SCAF1: variants seen among roughly 807,000 people sequenced by gnomAD.
The protein encoded by SCAF1 is SR-related CTD associated factor 1.
SCAF1 carries 28 observed loss-of-function variants against 91.2 expected under a neutral mutation model. The observed-to-expected ratio is 0.31, with a 90% CI of 0.23 to 0.42. SCAF1 has a LOEUF of 0.42. Ranked by LOEUF, SCAF1 falls within the 10% of genes least tolerant of loss-of-function variation. The probability of loss-of-function intolerance (pLI) is 1.00; values close to 1 mark genes in which losing one functional copy is unlikely to be tolerated. For synonymous variants in SCAF1, 1,036 were observed against 833.7 expected (o/e 1.24, Z -4.18); for missense variants, 1,893 against 1,872.1 (o/e 1.01, Z -0.21).
In SCAF1 at chr19:49,652,133, T is replaced by G. The variant is rs2081098773; in HGVS notation, c.1744T>G (p.Ser582Ala). 2 of 1,057,634 alleles carry G rather than the reference T, an allele frequency of 1.9e-6. No individual in the cohort carries two copies. The highest frequency in any genetic ancestry group is 2.3e-6 in the Non-Finnish European group (2 of 878,954). The allele number at this position is 1,057,634 out of a possible 1,614,324, so 65.5% of individuals were successfully genotyped here. A position where few individuals can be genotyped will look rare whatever the true frequency, so the allele number is the denominator to read the frequency against. ...RRSRSRSRSRSTRRRSRSTDR... is the reference protein window; with the variant it reads ...RRSRSRSRSRATRRRSRSTDR... ...CTCCCGCTCCCGCTCCCGCTCCCGC[T>G]CCACCCGCCGCCGCTCGCGCAGCAC... Residue 582 changes from serine (S) to alanine (A), a missense_variant, in exon 7 of 11, where the codon TCC (serine) becomes GCC (alanine). Physicochemically the swap from Ser to Ala is moderately conservative, Grantham distance 99 (BLOSUM62 1). This residue lies in a region of SCAF1 where 1,436 missense variants were observed against 1,306.8 expected (regional missense o/e 1.10). Coordinates refer to ENST00000360565, the MANE Select transcript of SCAF1 (RefSeq NM_021228.3).
At chr19:49,657,217 CAGGGAGTGGCAGA>C (rs1386647512) in intron 9 of SCAF1, among the ~76,000 whole-genome samples, 3 of 152,186 alleles carry the variant, frequency 2.0e-5, no homozygotes, top group Non-Finnish European at 4.4e-5. Flanking sequence ...GGGTCAGAGA[CAGGGAGTGGCAGA>C]CCAGGCTTCT....
In SCAF1 at chr19:49,649,126, AGTT is replaced by A. The variant is rs1186981006; in HGVS notation, c.479-1738_479-1736del. ...AAGGGTGTATCCGGAAGCTAATAGT[AGTT>A]GTTTTCAGGGGGACTCTGAGGTTAT... On this transcript the variant is annotated intron_variant, in intron 6 of 10. Coordinates refer to ENST00000360565, the MANE Select transcript of SCAF1 (RefSeq NM_021228.3). Among the ~76,000 whole-genome samples, 4 of 152,306 alleles carry A rather than the reference AGTT, an allele frequency of 2.6e-5. 1 individual carries two copies. Among genetic ancestry groups the A allele is most frequent in the African/African-American group, 9.6e-5 (4 of 41,554 alleles).
chr19:49,651,999 C>T lies in SCAF1; in HGVS notation c.1610C>T (p.Ser537Leu), dbSNP rs1470332758. Reference sequence around the variant, plus strand: ...GCCAAGGAGGCCGCCTCGTCCTCGTCGGGCACCCAGCCAGCGCCGCCCGCC... The same window carrying T: ...GCCAAGGAGGCCGCCTCGTCCTCGTTGGGCACCCAGCCAGCGCCGCCCGCC... ...GEAKEAASSS[S>L]GTQPAPPAPA... The change falls in exon 7 of 11, where the codon TCG (serine) becomes TTG (leucine). Residue 537 changes from serine to leucine, a missense_variant. Ser to Leu is a moderately radical substitution (Grantham distance 145). Coordinates refer to ENST00000360565, the MANE Select transcript of SCAF1 (RefSeq NM_021228.3). The T allele has an allele frequency of 2.5e-6, 3 of 1,197,458 alleles. No homozygotes were observed. The highest frequency in any genetic ancestry group is 5.5e-5 in the East Asian group (1 of 18,294). The allele number at this position is 1,197,458 out of a possible 1,614,324, so 74.2% of individuals were successfully genotyped here.
chr19:49,650,729 A>G (rs2081080082), intron 6 of SCAF1, 139 bp from the exon 7 acceptor site: 2 of 625,594 alleles, frequency 3.2e-6, no homozygotes, highest in East Asian at 2.9e-5. Context: ...GGAGCATCCT[A>G]CGGCTGGCTC....
chr19:49,651,820 G>T lies in SCAF1; in HGVS notation c.1431G>T (p.Trp477Cys), dbSNP rs972168088. Residue 477 changes from tryptophan to cysteine, a missense_variant, in exon 7 of 11, where the codon TGG becomes TGT. By Grantham distance (215) the Trp-to-Cys change is radical (BLOSUM62 -2). Around this residue, in one of 5 missense-constraint regions of SCAF1, gnomAD observed 1,436 missense variants for 1,306.8 expected, o/e 1.10. Transcript: ENST00000360565. ...APAPPAADSR[W>C]GGLDLRRKIL... ...CGCCGCCCGCCGCCGACTCGCGCTG[G>T]GGCGGCCTGGACCTGCGCCGCAAGA... 8.8e-6 allele frequency: 11 copies of T among 1,255,066 alleles called. No individual in the cohort carries two copies. In the Admixed American group the frequency reaches 4.1e-4, roughly 47 times the overall value. 77.7% of individuals were successfully genotyped at this position (1,255,066 alleles called of 1,614,324 possible).
At chr19:49,647,148 A>G (rs1568441080) in intron 6 of SCAF1, among the ~76,000 whole-genome samples, 1 of 152,248 alleles carries the variant, frequency 6.6e-6, no homozygotes, top group South Asian at 2.1e-4. Flanking sequence ...AGACAGCCTG[A>G]AAAAGGGCAG....
At chr19:49,654,219 T>G (rs1489385331) in intron 7 of SCAF1, 130 bp from the exon 8 acceptor site, 5 of 743,126 alleles carry the variant, frequency 6.7e-6, no homozygotes, top group Non-Finnish European at 9.0e-6. Context: ...TTCCCAGTTC[T>G]GAGCGTGAGG....
rs757324162 is a variant in SCAF1 at position 49,654,477 on chromosome 19, A to G, written c.3399+46A>G. 6 of 1,575,584 alleles carry G rather than the reference A, an allele frequency of 3.8e-6. No homozygotes were observed. The South Asian group carries it at 5.6e-5, about 15-fold the overall frequency. ...GTCCCTGCCGCCCCTTCTTTTGTCC[A>G]TTGCCTCGGGTTAGGAGAGGAACCG... On this transcript the variant is annotated intron_variant, in intron 8 of 10. Coordinates refer to ENST00000360565, the MANE Select transcript of SCAF1 (RefSeq NM_021228.3).
In SCAF1 at chr19:49,645,524, TG is replaced by T. The variant is rs1249241867; in HGVS notation, c.166+117del. ...CCTGGGTGCCACCCTTGTGCTGGCA[TG>T]GGGAGCCAAAAATGGGCAGACACCC... is the stretch of plus-strand genomic sequence containing the variant. On this transcript the variant is annotated intron_variant, in intron 3 of 10. Coordinates refer to ENST00000360565, the MANE Select transcript of SCAF1 (RefSeq NM_021228.3). This position sits in a 1 kb window ranked among gnomAD's most constrained non-coding sequence, Gnocchi z 4.6. 7.8e-6 allele frequency: 9 copies of T among 1,153,108 alleles called. No individual in the cohort carries two copies. The Admixed American group carries it at 1.7e-4, about 22-fold the overall frequency. 71.4% of individuals were successfully genotyped at this position (1,153,108 alleles called of 1,614,324 possible).
In SCAF1 at chr19:49,654,769, G is replaced by A; in HGVS notation, c.3517G>A (p.Gly1173Arg). The change falls in exon 9 of 11, where the codon GGG (glycine) becomes AGG (arginine). Residue 1173 changes from glycine (G) to arginine (R), a missense_variant. Physicochemically the swap from Gly to Arg is moderately radical, Grantham distance 125 (BLOSUM62 -2). Coordinates refer to ENST00000360565, the MANE Select transcript of SCAF1 (RefSeq NM_021228.3). ...CCTGCTTCCTGGCAGCCTCCCTCTGGGGGGCTGCGGTTCGACCCCCCCCAC... is the reference window on the plus strand; with the variant it reads ...CCTGCTTCCTGGCAGCCTCCCTCTGAGGGGCTGCGGTTCGACCCCCCCCAC... The part of the protein sequence containing the change: ...SYLLPGSLPL[G>R]GCGSTPPTPT... The A allele has an allele frequency of 6.2e-7, 1 of 1,613,610 alleles. No individual in the cohort carries two copies.
chr19:49,657,778 C>A lies in SCAF1; in HGVS notation c.3636C>A (p.His1212Gln). The A allele has an allele frequency of 4.4e-6, 7 of 1,603,018 alleles. No homozygotes were observed. The highest frequency in any genetic ancestry group is 6.0e-6 in the Non-Finnish European group (7 of 1,174,546). The change falls in exon 10 of 11, where the codon CAC becomes CAA. Residue 1212 changes from histidine to glutamine, a missense_variant. Physicochemically the swap from His to Gln is conservative, Grantham distance 24 (BLOSUM62 0). Coordinates refer to ENST00000360565, the MANE Select transcript of SCAF1 (RefSeq NM_021228.3). Reference protein sequence around the residue: ...GDTDKYLKKLHTQERAVEEVK... With the variant: ...GDTDKYLKKLQTQERAVEEVK... ...CCCACCAGTATCTGAAGAAGCTGCACACGCAGGAGCGGGCGGTGGAGGAGG... is the reference window on the plus strand; with the variant it reads ...CCCACCAGTATCTGAAGAAGCTGCAAACGCAGGAGCGGGCGGTGGAGGAGG...
Position 49,653,423 on chromosome 19 carries a change from A to G in SCAF1, c.3034A>G (p.Thr1012Ala). 7 of 1,550,640 alleles carry G rather than the reference A, an allele frequency of 4.5e-6. No homozygotes were observed. The highest frequency in any genetic ancestry group is 1.4e-5 in the African/African-American group (1 of 73,648). Reference sequence around the variant, plus strand: ...GGTCTCCTTCCTGCCCGAGGAGGCCACTGAGGAGGCTGGGGTCCGAGGTGG... The same window carrying G: ...GGTCTCCTTCCTGCCCGAGGAGGCCGCTGAGGAGGCTGGGGTCCGAGGTGG... ...PEVSFLPEEA[T>A]EEAGVRGGAE... Residue 1012 changes from threonine to alanine, a missense_variant, in exon 7 of 11, where the codon ACT (threonine) becomes GCT (alanine). Around this residue, in one of 5 missense-constraint regions of SCAF1, gnomAD observed 1,436 missense variants for 1,306.8 expected, o/e 1.10. Coordinates refer to ENST00000360565, the MANE Select transcript of SCAF1 (RefSeq NM_021228.3).
At position 49,646,861 on chromosome 19, in the gene SCAF1, T is replaced by C. The variant is rs2081058655; in HGVS notation, c.478+31T>C. ...TGGGGCCAGGGCGGAGCTGGGCAGG[T>C]GGTCGTGGAGTTGTGTGGGGATCGG... On this transcript the variant is annotated intron_variant, in intron 6 of 10. Transcript: ENST00000360565. This position sits in a 1 kb window ranked among gnomAD's most constrained non-coding sequence, Gnocchi z 5.6. 4 of 1,561,648 alleles carry C rather than the reference T, an allele frequency of 2.6e-6. No homozygotes were observed. Among genetic ancestry groups the C allele is most frequent in the African/African-American group, 1.4e-5 (1 of 73,552 alleles).
rs1409791145 is a variant in SCAF1, at chr19:49,652,942, C to T, written c.2553C>T (p.Ala851=). Residue 851 remains alanine (A), a synonymous_variant, in exon 7 of 11, where the codon GCC becomes GCT. Coordinates refer to ENST00000360565, the MANE Select transcript of SCAF1 (RefSeq NM_021228.3). The stretch of plus-strand genomic sequence containing the variant: ...AGGGTGTCAGCAGCACCACCCCGGC[C>T]AAGGATGCCGCGTCAGCCGGCCTGG... ...IREGVSSTTP[A]KDAASAGLGS... 2 of 1,613,934 alleles carry T rather than the reference C, an allele frequency of 1.2e-6. No homozygotes were observed. Among genetic ancestry groups the T allele is most frequent in the Non-Finnish European group, 1.7e-6 (2 of 1,179,994 alleles).
At position 49,652,281 on chromosome 19, in the gene SCAF1, G is replaced by A. The variant is rs1599827492; in HGVS notation, c.1892G>A (p.Arg631His). The A allele has an allele frequency of 6.6e-6, 10 of 1,510,250 alleles. No individual in the cohort carries two copies. The highest frequency in any genetic ancestry group is 5.2e-5 in the East Asian group (2 of 38,598). The allele number at this position is 1,510,250 out of a possible 1,614,324, so 93.6% of individuals were successfully genotyped here. A position where few individuals can be genotyped will look rare whatever the true frequency, so the allele number is the denominator to read the frequency against. The change falls in exon 7 of 11, where the codon CGC becomes CAC. Residue 631 changes from arginine (R) to histidine (H), a missense_variant. Coordinates refer to ENST00000360565, the MANE Select transcript of SCAF1 (RefSeq NM_021228.3). ...TCGTCCTCGAGGCGCGAGCGGCACC[G>A]CGGGAAACACCGGGACGGTGGCGGC... ...SSSSSRRERH[R>H]GKHRDGGGSK...
chr19:49,654,584 G>A (rs1352333772), intron 8 of SCAF1, 68 bp from the exon 9 acceptor site: 3 of 1,397,476 alleles, frequency 2.1e-6, no homozygotes, highest in Non-Finnish European at 3.0e-6. Flanking sequence ...CGTGGGAACA[G>A]TGGGGTGCAC....
intron 7 of SCAF1, 51 bp downstream of exon 7, chr19:49,653,756 G>A (rs544765155): frequency 5.5e-6 from 8 of 1,446,076 alleles, no homozygotes; most frequent in Non-Finnish European, 7.3e-6. Context: ...GACAGGATGG[G>A]GACTGGAGGG....
Position 49,646,168 on chromosome 19 carries a change from G to A in SCAF1, c.227G>A (p.Arg76His), listed in dbSNP as rs145855074. The change falls in exon 4 of 11, where the codon CGT becomes CAT. Residue 76 changes from arginine (R) to histidine (H), a missense_variant. By Grantham distance (29) the Arg-to-His change is conservative. This residue lies in a region of SCAF1 where 270 missense variants were observed against 292.5 expected (regional missense o/e 0.92). Transcript: ENST00000360565. This position sits in a 1 kb window ranked among gnomAD's most constrained non-coding sequence, Gnocchi z 5.6. ...TGCCGGAGTCCACGGTCAGAGCCCCGTTCCCAGGAATCAGGGGGCACTGAC... is the reference window on the plus strand; with the variant it reads ...TGCCGGAGTCCACGGTCAGAGCCCCATTCCCAGGAATCAGGGGGCACTGAC... ...RRCRSPRSEP[R>H]SQESGGTDTA... The A allele has an allele frequency of 5.0e-6, 8 of 1,610,642 alleles. No individual in the cohort carries two copies. The highest frequency in any genetic ancestry group is 5.9e-6 in the Non-Finnish European group (7 of 1,179,872).
rs545245533 is a variant in SCAF1 at position 49,645,648 on chromosome 19, C to T, written c.166+237C>T. ...CCACTTGAGCTAGCATGGTGGGAGA[C>T]GGGTCAGGGCACCTTCCCCGAGCAG... On this transcript the variant is annotated intron_variant, in intron 3 of 10. Coordinates refer to ENST00000360565, the MANE Select transcript of SCAF1 (RefSeq NM_021228.3). The surrounding 1 kb of genome is among the most constrained non-coding windows in gnomAD (Gnocchi z 4.6). Among the ~76,000 whole-genome samples, 9 of 152,274 alleles carry T rather than the reference C, an allele frequency of 5.9e-5. No homozygotes were observed. The highest frequency in any genetic ancestry group is 5.8e-4 in the East Asian group (3 of 5,184).
Sources: gnomAD v4.1 joint callset for allele counts (sites outside exome capture counted in the v4.1 genomes callset) on GRCh38, gnomAD v4.1.1 for gene constraint, gnomAD v4.1.1 regional missense constraint, Gnocchi (gnomAD v3.1) non-coding constraint, MANE v1.5 for transcripts, NCBI Gene and HGNC (gene_info 2026-07-23, HGNC 2026-07-21) for gene names.